The following GMDS variants were observed in gnomAD, a reference collection of about 807,000 sequenced individuals.
GMDS encodes GDP-mannose 4,6-dehydratase.
Under a neutral mutation model 49.9 loss-of-function variants are expected in GMDS, and 20 were observed. That is an observed-to-expected ratio of 0.40 (90% CI 0.28 to 0.58). The LOEUF is 0.58. Among genes scored for constraint, GMDS ranks in the 20% least tolerant of loss-of-function variants. The probability of loss-of-function intolerance (pLI) is 0.42; values close to 1 mark genes in which losing one functional copy is unlikely to be tolerated. For missense variants in GMDS, 362 were observed against 481.4 expected (o/e 0.75, Z 2.32); for synonymous variants, 177 against 178.6 (o/e 0.99, Z 0.07).
intron 4 of GMDS, among the ~76,000 whole-genome samples, chr6:2,059,281 GTTTT>G (rs895045534): frequency 7.2e-6 from 1 of 138,916 alleles, no homozygotes. Flanking sequence ...TTGAACTATT[GTTTT>G]TTTAATTTGA....
chr6:1,751,944 G>A (rs182734104), intron 7 of GMDS, among the ~76,000 whole-genome samples: 1 of 152,318 alleles, frequency 6.6e-6, no homozygotes, highest in East Asian at 1.9e-4. Context: ...GTGCAAAAAG[G>A]CTGAAAATTC....
chr6:2,077,638 G>T (rs1222395825), intron 4 of GMDS, among the ~76,000 whole-genome samples: 4 of 152,134 alleles, frequency 2.6e-5, no homozygotes, highest in Non-Finnish European at 5.9e-5. Flanking sequence ...AAGCCCACTT[G>T]ATTGTGGTGT....
chr6:2,203,500 C>T (rs1779646196), intron 1 of GMDS, among the ~76,000 whole-genome samples: 2 of 147,730 alleles, frequency 1.4e-5, no homozygotes, highest in South Asian at 2.2e-4. Context: ...GACAAAATGC[C>T]AAGTTTCTTT....
chr6:1,670,224 G>C (rs1180016825), intron 9 of GMDS, among the ~76,000 whole-genome samples: 1 of 152,226 alleles, frequency 6.6e-6, no homozygotes, highest in Non-Finnish European at 1.5e-5. Flanking sequence ...AAGGGGGTGA[G>C]AGGGTGTGAA....
chr6:2,217,528 T>C (rs1352844812), intron 1 of GMDS, among the ~76,000 whole-genome samples: 1 of 152,214 alleles, frequency 6.6e-6, no homozygotes, highest in Non-Finnish European at 1.5e-5. Flanking sequence ...AGCCTTTTAC[T>C]GGGGTAAGGT....
chr6:1,954,631 T>C (rs1763532861), intron 6 of GMDS, among the ~76,000 whole-genome samples: 2 of 152,230 alleles, frequency 1.3e-5, no homozygotes, highest in Non-Finnish European at 2.9e-5. Context: ...CTTAAGAAAA[T>C]ACATTCTTTG....
At chr6:2,161,827 C>T (rs1348298623) in intron 1 of GMDS, among the ~76,000 whole-genome samples, 2 of 152,214 alleles carry the variant, frequency 1.3e-5, no homozygotes, top group African/African-American at 2.4e-5. Flanking sequence ...GACTTCCTGG[C>T]TGTGACTCAG....
At chr6:1,801,748 G>T (rs1769959844) in intron 7 of GMDS, among the ~76,000 whole-genome samples, 1 of 152,246 alleles carries the variant, frequency 6.6e-6, no homozygotes, top group Non-Finnish European at 1.5e-5. Flanking sequence ...CACACAGAGG[G>T]CCATAGAGGG....
intron 9 of GMDS, among the ~76,000 whole-genome samples, chr6:1,671,452 C>T (rs756741778): frequency 6.6e-5 from 10 of 152,058 alleles, no homozygotes; most frequent in African/African-American, 2.4e-4. Flanking sequence ...CGCACCCCAC[C>T]ACAAAAGGCT....
At position 1,631,191 on chromosome 6, in the gene GMDS, A is replaced by C. The variant is rs181109596; in HGVS notation, c.988-6651T>G. Among the ~76,000 whole-genome samples the C allele has an allele frequency of 1.2e-4, 18 of 152,314 alleles. No homozygotes were observed. The East Asian group carries it at 3.5e-3, about 29-fold the overall frequency. ...TTGCCACTTAGGGCTTTCTACCCTCAAAGCGCTTTATAGACATCAGCTAAT... is the reference window on the plus strand; with the variant it reads ...TTGCCACTTAGGGCTTTCTACCCTCCAAGCGCTTTATAGACATCAGCTAAT... On this transcript the variant is annotated intron_variant, in intron 9 of 10. Transcript: ENST00000380815.
intron 9 of GMDS, among the ~76,000 whole-genome samples, chr6:1,681,149 T>TAC (rs150163904): frequency 4.0e-5 from 6 of 151,210 alleles, no homozygotes; most frequent in East Asian, 1.9e-4. Context: ...CACACCTATA[T>TAC]ACACACACAC....
chr6:2,141,865 G>GCTCTCTCTCTCTCTCTCT (rs67628075), intron 1 of GMDS, among the ~76,000 whole-genome samples: 12 of 145,592 alleles, frequency 8.2e-5, no homozygotes, highest in African/African-American at 2.6e-4. Flanking sequence ...GGTTGTGCGT[G>GCTCTCTCTCTCTCTCTCT]CTCTCTCTCT....
intron 8 of GMDS, among the ~76,000 whole-genome samples, chr6:1,734,789 G>A (rs961539736): frequency 2.6e-5 from 4 of 152,126 alleles, no homozygotes; most frequent in Non-Finnish European, 4.4e-5. Context: ...AGTCAGACTA[G>A]GAAGATGAAT....
rs200281164 is a variant in GMDS at position 1,911,127 on chromosome 6, TAGAC to T, written c.771+18972_771+18975del. 9.5e-3 allele frequency among the ~76,000 whole-genome samples: 1,440 copies of T among 152,156 alleles called. 6 individuals are homozygous for T. The highest frequency in any genetic ancestry group is 0.014 in the Non-Finnish European group (973 of 67,982). ...TGTACCATATATTTGATGTGGGTAA[TAGAC>T]AGGGCCCTCCAAGAGGAACGTTTCT... On this transcript the variant is annotated intron_variant, in intron 7 of 10. Transcript: ENST00000380815.
chr6:1,969,833 C>T (rs762813383), intron 4 of GMDS, among the ~76,000 whole-genome samples: 13 of 152,182 alleles, frequency 8.5e-5, no homozygotes, highest in Non-Finnish European at 1.8e-4. Flanking sequence ...ACAGAGAAAG[C>T]ATCTTCACTG....
intron 9 of GMDS, among the ~76,000 whole-genome samples, chr6:1,650,022 G>A (rs113786678): frequency 8.1e-4 from 124 of 152,286 alleles, no homozygotes; most frequent in African/African-American, 2.8e-3. Flanking sequence ...TGATCTTGCC[G>A]TCTGACCTTG....
intron 4 of GMDS, among the ~76,000 whole-genome samples, chr6:2,098,248 G>A (rs1394976087): frequency 6.6e-6 from 1 of 152,118 alleles, no homozygotes; most frequent in Admixed American, 6.5e-5. Context: ...AGTAGAGATG[G>A]TGTTTCGCCA....
chr6:2,055,261 A>C (rs1453941571), intron 4 of GMDS, among the ~76,000 whole-genome samples: 1 of 152,102 alleles, frequency 6.6e-6, no homozygotes, highest in Non-Finnish European at 1.5e-5. Flanking sequence ...GAAGAAAAAA[A>C]AAGAGAGAGA....
chr6:2,135,910 C>T (rs759106562), intron 1 of GMDS, among the ~76,000 whole-genome samples: 5 of 152,030 alleles, frequency 3.3e-5, no homozygotes, highest in Admixed American at 6.6e-5. Flanking sequence ...TACATAACAA[C>T]GGGGAAACAT....
Sources: gnomAD v4.1 joint callset for allele counts (sites outside exome capture counted in the v4.1 genomes callset) on GRCh38, gnomAD v4.1.1 for gene constraint, MANE v1.5 for transcripts, NCBI Gene and HGNC (gene_info 2026-07-23, HGNC 2026-07-21) for gene names.